CNTN5: variants seen among roughly 807,000 people sequenced by gnomAD.
CNTN5 encodes contactin 5.
A neutral mutation model predicts 129.1 loss-of-function variants in CNTN5; 77 were observed. That is an observed-to-expected ratio of 0.60 (90% CI 0.50 to 0.72). CNTN5 has a LOEUF of 0.72. Among genes scored for constraint, CNTN5 ranks in the 30% least tolerant of loss-of-function variants. CNTN5 has a pLI of 0.00. For missense variants in CNTN5, 1,478 were observed against 1,328.8 expected, an observed-to-expected ratio of 1.11 and a Z score of -1.75; for synonymous variants, 509 against 465.6, an observed-to-expected ratio of 1.09 and a Z score of -1.20.
chr11:99,026,949 T>A (rs1033621827), intron 1 of CNTN5, among the ~76,000 whole-genome samples: 1 of 151,584 alleles, frequency 6.6e-6, no homozygotes, highest in African/African-American at 2.4e-5. Flanking sequence ...TCTTTTAAGA[T>A]TAGAAATTTA....
At chr11:99,452,874 A>AAAAGTCCAT (rs1384014687) in intron 2 of CNTN5, among the ~76,000 whole-genome samples, 1 of 152,224 alleles carries the variant, frequency 6.6e-6, no homozygotes, top group Non-Finnish European at 1.5e-5. Context: ...ATAGCTAAAG[A>AAAAGTCCAT]AAAGTCCATA....
chr11:99,331,016 A>G (rs1865977845), intron 2 of CNTN5, among the ~76,000 whole-genome samples: 1 of 152,042 alleles, frequency 6.6e-6, no homozygotes, highest in South Asian at 2.1e-4. Flanking sequence ...GCAAAAGCCT[A>G]CTGAGATGCA....
At chr11:99,906,212 C>T (rs1433008933) in intron 6 of CNTN5, among the ~76,000 whole-genome samples, 1 of 152,050 alleles carries the variant, frequency 6.6e-6, no homozygotes, top group Non-Finnish European at 1.5e-5. Context: ...TTGTCTTGTG[C>T]CGGTTTTCAA....
rs139542173 is a variant in CNTN5 at position 100,138,060 on chromosome 11, A to G, written c.1581-53066A>G. Among the ~76,000 whole-genome samples the G allele has an allele frequency of 1.5e-3, 225 of 152,266 alleles. 4 individuals are homozygous for G. The East Asian group carries it at 0.035, about 24-fold the overall frequency. On this transcript the variant is annotated intron_variant, in intron 13 of 24. Coordinates refer to ENST00000524871, the MANE Select transcript of CNTN5 (RefSeq NM_014361.4). Reference sequence around the variant, plus strand: ...GACAAAATAGATGACGGAAAGGGAAATGAAGGACAGAGAGTCATCTGGATT... The same window carrying G: ...GACAAAATAGATGACGGAAAGGGAAGTGAAGGACAGAGAGTCATCTGGATT...
Position 99,698,218 on chromosome 11 carries a change from TATTAC to T in CNTN5, c.56-121316_56-121312del, listed in dbSNP as rs1591495303. On this transcript the variant is annotated intron_variant, in intron 3 of 24. Transcript: ENST00000524871. ...GTTTAACAGAAATACATTATTCAAG[TATTAC>T]ATTACATTATTCAATATTATATTAT... is the stretch of plus-strand genomic sequence containing the variant. 2.0e-5 allele frequency among the ~76,000 whole-genome samples: 3 copies of T among 151,530 alleles called. No homozygotes were observed. The South Asian group carries it at 6.2e-4, about 31-fold the overall frequency.
At chr11:99,132,198 A>G (rs1858975477) in intron 1 of CNTN5, among the ~76,000 whole-genome samples, 1 of 81,044 alleles carries the variant, frequency 1.2e-5, no homozygotes, top group African/African-American at 5.5e-5. Flanking sequence ...AAAATTTAAC[A>G]TCCTTTCATG....
At chr11:99,504,888 G>T (rs1946560942) in intron 2 of CNTN5, among the ~76,000 whole-genome samples, 1 of 152,148 alleles carries the variant, frequency 6.6e-6, no homozygotes, top group African/African-American at 2.4e-5. Context: ...AGAAACCATA[G>T]TTTATTGCTC....
At chr11:100,223,588 A>C (rs955256494) in intron 15 of CNTN5, among the ~76,000 whole-genome samples, 1 of 152,124 alleles carries the variant, frequency 6.6e-6, no homozygotes, top group African/African-American at 2.4e-5. Context: ...CTAAGAACAA[A>C]CACATCACTT....
chr11:99,801,755 G>C (rs1284691453), intron 3 of CNTN5, among the ~76,000 whole-genome samples: 1 of 152,108 alleles, frequency 6.6e-6, no homozygotes, highest in Non-Finnish European at 1.5e-5. Flanking sequence ...AATTCCTTAA[G>C]TAAGTTTCAA....
intron 2 of CNTN5, among the ~76,000 whole-genome samples, chr11:99,386,760 G>A (rs1017135262): frequency 2.0e-5 from 3 of 152,084 alleles, no homozygotes; most frequent in African/African-American, 7.2e-5. Context: ...CTTCAGTAGT[G>A]TGGAAAAAGG....
At chr11:99,123,770 G>A (rs1281633434) in intron 1 of CNTN5, among the ~76,000 whole-genome samples, 1 of 151,732 alleles carries the variant, frequency 6.6e-6, no homozygotes, top group Non-Finnish European at 1.5e-5. Context: ...CCTATGGCTA[G>A]CCAGTTATCC....
intron 1 of CNTN5, among the ~76,000 whole-genome samples, chr11:99,324,285 G>A (rs1403949518): frequency 1.3e-5 from 2 of 152,140 alleles, no homozygotes; most frequent in East Asian, 3.9e-4. Context: ...CTTACTTGAT[G>A]GCCTTCAATC....
intron 3 of CNTN5, among the ~76,000 whole-genome samples, chr11:99,749,481 A>G (rs921165229): frequency 2.0e-5 from 3 of 152,226 alleles, no homozygotes; most frequent in African/African-American, 7.2e-5. Context: ...TGGCATTGAA[A>G]TATTTTAAAA....
At chr11:99,802,262 C>G (rs753595107) in intron 3 of CNTN5, among the ~76,000 whole-genome samples, 1 of 152,142 alleles carries the variant, frequency 6.6e-6, no homozygotes, top group Non-Finnish European at 1.5e-5. Context: ...TACTGGGTAG[C>G]TACTTGATCC....
chr11:99,461,375 G>C (rs888691869), intron 2 of CNTN5, among the ~76,000 whole-genome samples: 3 of 151,922 alleles, frequency 2.0e-5, no homozygotes, highest in Admixed American at 2.0e-4. Flanking sequence ...CATCAATGTT[G>C]TCATTCACTT....
chr11:99,410,377 A>G (rs1942338525), intron 2 of CNTN5, among the ~76,000 whole-genome samples: 2 of 152,202 alleles, frequency 1.3e-5, no homozygotes, highest in Admixed American at 1.3e-4. Context: ...TTACAGGAGA[A>G]AAATGCACAT....
intron 17 of CNTN5, among the ~76,000 whole-genome samples, chr11:100,267,138 C>T (rs1950319961): frequency 6.6e-6 from 1 of 151,940 alleles, no homozygotes; most frequent in Non-Finnish European, 1.5e-5. Context: ...ACTCAGGCTG[C>T]TATAACAAAA....
intron 3 of CNTN5, among the ~76,000 whole-genome samples, chr11:99,809,460 T>G (rs1288384652): frequency 2.0e-5 from 3 of 152,182 alleles, no homozygotes; most frequent in Non-Finnish European, 4.4e-5. Context: ...TCATTTCACG[T>G]TAAATAAATT....
At chr11:99,814,593 G>T (rs779192739) in intron 3 of CNTN5, among the ~76,000 whole-genome samples, 1 of 152,082 alleles carries the variant, frequency 6.6e-6, no homozygotes, top group African/African-American at 2.4e-5. Context: ...AACAGTCCAG[G>T]GTGAAGAGCA....
Sources: gnomAD v4.1 joint callset for allele counts (sites outside exome capture counted in the v4.1 genomes callset) on GRCh38, gnomAD v4.1.1 for gene constraint, MANE v1.5 for transcripts, NCBI Gene and HGNC (gene_info 2026-07-23, HGNC 2026-07-21) for gene names.